DNAAF9: variants seen among roughly 807,000 people sequenced by gnomAD.
The protein encoded by DNAAF9 is dynein axonemal assembly factor 9.
DNAAF9 carries 90 observed loss-of-function variants against 167.0 expected under a neutral mutation model. That is an observed-to-expected ratio of 0.54 (90% CI 0.45 to 0.64). The LOEUF (loss-of-function observed/expected upper bound fraction) is 0.64. Among genes scored for constraint, DNAAF9 ranks in the 30% least tolerant of loss-of-function variants. The pLI is 0.00. For missense variants in DNAAF9, 1,315 were observed against 1,442.2 expected, an observed-to-expected ratio of 0.91 and a Z score of 1.43; for synonymous variants, 491 against 508.8, an observed-to-expected ratio of 0.96 and a Z score of 0.47.
At position 3,298,096 on chromosome 20, in the gene DNAAF9, C is replaced by T. The variant is rs945052138; in HGVS notation, c.1862G>A (p.Gly621Glu). The change falls in exon 22 of 37, where the codon GGA becomes GAA. Residue 621 changes from glycine (G) to glutamate (E), a missense_variant. Transcript: ENST00000252032. Reference protein sequence around the residue: ...LLPHLPVHFHGSSNFLMIALF... With the variant: ...LLPHLPVHFHESSNFLMIALF... ...GGCAATCATCAGAAAATTGCTTGAT[C>T]CATGGAAATGAACTGGGAGGTGAGG... 2 of 1,612,638 alleles carry T rather than the reference C, an allele frequency of 1.2e-6. No individual in the cohort carries two copies. The highest frequency in any genetic ancestry group is 1.7e-6 in the Non-Finnish European group (2 of 1,178,792).
At chr20:3,393,480 C>A (rs1322248057) in intron 1 of DNAAF9, among the ~76,000 whole-genome samples, 2 of 152,022 alleles carry the variant, frequency 1.3e-5, no homozygotes, top group Non-Finnish European at 2.9e-5. Flanking sequence ...CCACTGCACT[C>A]CAGCCTGGGC....
At chr20:3,301,283 G>T (rs1268579643) in intron 21 of DNAAF9, among the ~76,000 whole-genome samples, 3 of 151,662 alleles carry the variant, frequency 2.0e-5, no homozygotes, top group Non-Finnish European at 4.4e-5. Flanking sequence ...CGCCTCCCAG[G>T]TTCAAGCGAT....
rs529250594 is a variant in DNAAF9 at position 3,251,625 on chromosome 20, G to C, written c.*947C>G. On this transcript the variant is annotated 3_prime_UTR_variant, in exon 37 of 37. Transcript: ENST00000252032. ...GGCCAGCAACAACACTTTGGGGAGC[G>C]GGGGGATGAGTTTCCTGAAGTTTGT... is the stretch of plus-strand genomic sequence containing the variant. 6.6e-6 allele frequency: 1 copy of C among 152,442 alleles called. No individual in the cohort carries two copies. The highest frequency in any genetic ancestry group is 1.9e-4 in the East Asian group (1 of 5,188). 9.4% of individuals were successfully genotyped at this position (152,442 alleles called of 1,614,324 possible).
Position 3,404,364 on chromosome 20 carries a change from C to CAAG in DNAAF9, c.83+3110_83+3111insCTT, listed in dbSNP as rs2084027962. 2.0e-5 allele frequency among the ~76,000 whole-genome samples: 3 copies of CAAG among 152,196 alleles called. No individual in the cohort carries two copies. The South Asian group carries it at 6.2e-4, about 32-fold the overall frequency. On this transcript the variant is annotated intron_variant, in intron 1 of 36. Transcript: ENST00000252032. ...TTACTAGTTCTCATCACACTGTCAACAATCTCATTCGGCTTTCAATGTCTG... is the reference window on the plus strand; with the variant it reads ...TTACTAGTTCTCATCACACTGTCAACAAGAATCTCATTCGGCTTTCAATGTCTG...
intron 1 of DNAAF9, among the ~76,000 whole-genome samples, chr20:3,392,550 A>G (rs1482871096): frequency 2.0e-5 from 3 of 152,248 alleles, no homozygotes; most frequent in East Asian, 3.9e-4. Context: ...GCTGAACCCC[A>G]CTGTTTTCCT....
At chr20:3,325,022 A>G (rs1349224426) in intron 13 of DNAAF9, 54 bp from the exon 14 acceptor site, 5 of 972,766 alleles carry the variant, frequency 5.1e-6, no homozygotes, top group Admixed American at 1.7e-5. Context: ...AAAAGTACAC[A>G]TATCACTGAT....
At chr20:3,332,907 GTGTGTGTGTGTGT>G (rs2069865596) in intron 10 of DNAAF9, among the ~76,000 whole-genome samples, 6 of 136,776 alleles carry the variant, frequency 4.4e-5, no homozygotes, top group East Asian at 2.0e-4. Context: ...TGTGGTGTGT[GTGTGTGTGTGTGT>G]GTGTGTGTGT....
At chr20:3,327,581 G>C (rs549208348) in intron 12 of DNAAF9, among the ~76,000 whole-genome samples, 1 of 151,986 alleles carries the variant, frequency 6.6e-6, no homozygotes, top group East Asian at 1.9e-4. Flanking sequence ...TCTTGTAAAG[G>C]AATCAGGTAA....
intron 27 of DNAAF9, among the ~76,000 whole-genome samples, chr20:3,284,721 T>C (rs2068821888): frequency 6.6e-6 from 1 of 152,234 alleles, no homozygotes; most frequent in Admixed American, 6.5e-5. Flanking sequence ...CACAAGTTTT[T>C]ACATTAATTT....
At chr20:3,331,861 A>G (rs1221906111) in intron 11 of DNAAF9, among the ~76,000 whole-genome samples, 1 of 152,104 alleles carries the variant, frequency 6.6e-6, no homozygotes, top group Non-Finnish European at 1.5e-5. Flanking sequence ...TTTAGTAGAG[A>G]TGGGGTTTTG....
At chr20:3,343,840 C>CAT (rs878999590) in intron 8 of DNAAF9, 109 bp from the exon 9 acceptor site, 1 of 652,926 alleles carries the variant, frequency 1.5e-6, no homozygotes, top group Non-Finnish European at 2.7e-6. Context: ...GAGTGCACAG[C>CAT]GTGTGTGTGT....
intron 1 of DNAAF9, among the ~76,000 whole-genome samples, chr20:3,391,593 T>A (rs1204059579): frequency 1.3e-5 from 2 of 150,220 alleles, no homozygotes; most frequent in Admixed American, 6.6e-5. Flanking sequence ...TTTTTTTTTT[T>A]TTTTGAGACA....
At chr20:3,381,552 A>G (rs993489205) in intron 2 of DNAAF9, 54 bp from the exon 3 acceptor site, 3 of 1,562,458 alleles carry the variant, frequency 1.9e-6, no homozygotes, top group Non-Finnish European at 2.6e-6. Flanking sequence ...GGAGCAAATG[A>G]GCCAATAATT....
chr20:3,253,776 T>C lies in DNAAF9; in HGVS notation c.3371A>G (p.Asn1124Ser), dbSNP rs760006576. The change falls in exon 36 of 37, where the codon AAT becomes AGT. Residue 1124 changes from asparagine (N) to serine (S), a missense_variant. Coordinates refer to ENST00000252032, the MANE Select transcript of DNAAF9 (RefSeq NM_001009984.3). Reference sequence around the variant, plus strand: ...AAAGAAGTTAACAAATTGGGTGCCATTATAAAAGTAGCCTGCAGGTAGGGG... The same window carrying C: ...AAAGAAGTTAACAAATTGGGTGCCACTATAAAAGTAGCCTGCAGGTAGGGG... ...LEPLPAGYFY[N>S]GTQFVNFFGD... is the part of the protein sequence containing the mutation. 2 of 1,613,190 alleles carry C rather than the reference T, an allele frequency of 1.2e-6. No homozygotes were observed. Among genetic ancestry groups the C allele is most frequent in the Non-Finnish European group, 8.5e-7 (1 of 1,179,136 alleles).
At chr20:3,264,174 G>A (rs1305251782) in intron 31 of DNAAF9, among the ~76,000 whole-genome samples, 1 of 152,204 alleles carries the variant, frequency 6.6e-6, no homozygotes, top group Non-Finnish European at 1.5e-5. Flanking sequence ...GAGGAACACA[G>A]GGCACAGCGG....
intron 1 of DNAAF9, among the ~76,000 whole-genome samples, chr20:3,388,319 C>A (rs558125876): frequency 1.1e-4 from 17 of 152,034 alleles, no homozygotes; most frequent in Non-Finnish European, 1.9e-4. Context: ...AATGGTGCAA[C>A]CACTATGGAA....
At chr20:3,361,845 G>A (rs1475465066) in intron 6 of DNAAF9, 1 of 1,444,650 alleles carries the variant, frequency 6.9e-7, no homozygotes, top group Admixed American at 1.8e-5. Flanking sequence ...CGAATGTTGG[G>A]GGGAAGGGGA....
intron 1 of DNAAF9, among the ~76,000 whole-genome samples, chr20:3,395,048 A>T (rs1287462054): frequency 1.5e-5 from 2 of 133,704 alleles, no homozygotes; most frequent in African/African-American, 5.9e-5. Flanking sequence ...ACTCACTGCA[A>T]GCTCCGCCTC....
chr20:3,326,362 G>A, intron 12 of DNAAF9, 78 bp from the exon 13 acceptor site: 1 of 943,758 alleles, frequency 1.1e-6, no homozygotes, highest in African/African-American at 1.7e-5. Context: ...ATAAATGACA[G>A]CCCCTAAGAA....
Sources: gnomAD v4.1 joint callset for allele counts (sites outside exome capture counted in the v4.1 genomes callset) on GRCh38, gnomAD v4.1.1 for gene constraint, MANE v1.5 for transcripts, NCBI Gene and HGNC (gene_info 2026-07-23, HGNC 2026-07-21) for gene names.